Variants in NRP2 observed in about 807,000 individuals in gnomAD.
NRP2 encodes neuropilin 2.
A neutral mutation model predicts 110.4 loss-of-function variants in NRP2; 52 were observed. That is an observed-to-expected ratio of 0.47 (90% CI 0.38 to 0.59). The LOEUF (loss-of-function observed/expected upper bound fraction) is 0.59, where lower values mean the gene tolerates loss of function less well. Ranked by LOEUF, NRP2 falls within the 20% of genes least tolerant of loss-of-function variation. The pLI is 0.00. For missense variants in NRP2, 1,049 were observed against 1,203.0 expected (o/e 0.87, Z 1.89); for synonymous variants, 508 against 468.9 (o/e 1.08, Z -1.08).
intron 6 of NRP2, among the ~76,000 whole-genome samples, chr2:205,727,086 C>T (rs1346685132): frequency 2.0e-5 from 3 of 152,194 alleles, no homozygotes; most frequent in Non-Finnish European, 2.9e-5. Context: ...GTTTCTCATA[C>T]GTGTAGACAG....
intron 3 of NRP2, among the ~76,000 whole-genome samples, chr2:205,721,794 G>A (rs985281812): frequency 1.1e-4 from 16 of 152,172 alleles, no homozygotes; most frequent in Admixed American, 1.3e-4. Context: ...TTGCCGGAGC[G>A]GCCTTTAACA....
Position 205,723,873 on chromosome 2 carries a change from G to T in NRP2, c.753G>T (p.Thr251=), listed in dbSNP as rs566976336. ...STGILSLTFH[T]DMAVAKDGFS... is the part of the protein sequence containing the mutation. The stretch of plus-strand genomic sequence containing the variant: ...GGATCCTCTCCCTGACCTTTCACAC[G>T]GACATGGCGGTGGCCAAGGATGGCT... The change falls in exon 5 of 17, where the codon ACG becomes ACT. Residue 251 remains threonine (T), a synonymous_variant. Coordinates refer to ENST00000357785, the MANE Select transcript of NRP2 (RefSeq NM_003872.3). 3.7e-6 allele frequency: 6 copies of T among 1,614,200 alleles called. No individual in the cohort carries two copies. The highest frequency in any genetic ancestry group is 5.1e-6 in the Non-Finnish European group (6 of 1,180,038).
intron 7 of NRP2, among the ~76,000 whole-genome samples, chr2:205,732,805 C>T (rs2057265967): frequency 1.3e-5 from 2 of 152,158 alleles, no homozygotes; most frequent in African/African-American, 2.4e-5. Flanking sequence ...GTCATCCATC[C>T]CAGCCTCACT....
At chr2:205,721,072 G>A (rs537679745) in intron 3 of NRP2, among the ~76,000 whole-genome samples, 1 of 152,316 alleles carries the variant, frequency 6.6e-6, no homozygotes, top group East Asian at 1.9e-4. Flanking sequence ...TCCTCCATCC[G>A]CATTTATTTG....
At chr2:205,762,692 G>A (rs960569049) in intron 12 of NRP2, among the ~76,000 whole-genome samples, 2 of 152,174 alleles carry the variant, frequency 1.3e-5, no homozygotes, top group Non-Finnish European at 1.5e-5. Flanking sequence ...AAGAGGTACT[G>A]AGATTTCCTC....
intron 12 of NRP2, among the ~76,000 whole-genome samples, chr2:205,754,759 G>A (rs2057705719): frequency 6.6e-6 from 1 of 151,838 alleles, no homozygotes; most frequent in Non-Finnish European, 1.5e-5. Flanking sequence ...GGGTATTCTA[G>A]TGTTAATGTG....
At chr2:205,731,067 C>T (rs2057229432) in intron 7 of NRP2, among the ~76,000 whole-genome samples, 1 of 152,218 alleles carries the variant, frequency 6.6e-6, no homozygotes, top group Non-Finnish European at 1.5e-5. Context: ...ACATGCACAG[C>T]ACATCCCAAA....
intron 12 of NRP2, among the ~76,000 whole-genome samples, chr2:205,758,146 G>A (rs1203846945): frequency 6.6e-6 from 1 of 152,204 alleles, no homozygotes; most frequent in East Asian, 1.9e-4. Context: ...TCCCTTAACT[G>A]GTTGCTAATT....
chr2:205,739,090 G>A (rs1212728563), intron 7 of NRP2, among the ~76,000 whole-genome samples: 1 of 152,138 alleles, frequency 6.6e-6, no homozygotes, highest in Non-Finnish European at 1.5e-5. Context: ...ATTACTCAAA[G>A]CCATTCTAAG....
intron 1 of NRP2, among the ~76,000 whole-genome samples, chr2:205,695,335 T>C (rs2056401011): frequency 6.6e-6 from 1 of 152,234 alleles, no homozygotes; most frequent in African/African-American, 2.4e-5. Context: ...ACTTCTGCTG[T>C]AGATGAGAAA....
At chr2:205,694,708 A>G (rs2056386839) in intron 1 of NRP2, among the ~76,000 whole-genome samples, 1 of 152,220 alleles carries the variant, frequency 6.6e-6, no homozygotes, top group Admixed American at 6.5e-5. Flanking sequence ...AAAGTAATGG[A>G]TGGTATAGCT....
Position 205,733,285 on chromosome 2 carries a change from G to A in NRP2, c.1146+5239G>A, listed in dbSNP as rs1048183044. Among the ~76,000 whole-genome samples the A allele has an allele frequency of 6.6e-5, 10 of 152,246 alleles. No homozygotes were observed. In the East Asian group the frequency reaches 1.2e-3, roughly 18 times the overall value. ...CTGAACTGTCTCCAGTAGCTGAGGC[G>A]CGCCTCCCTGGCGCTGATAGCCTTG... On this transcript the variant is annotated intron_variant, in intron 7 of 16. Coordinates refer to ENST00000357785, the MANE Select transcript of NRP2 (RefSeq NM_003872.3).
chr2:205,732,657 T>C (rs1414146396), intron 7 of NRP2, among the ~76,000 whole-genome samples: 3 of 152,176 alleles, frequency 2.0e-5, no homozygotes, highest in Non-Finnish European at 4.4e-5. Flanking sequence ...AAGCAAGTTA[T>C]CAATTTAAAA....
At chr2:205,728,121 A>T in intron 7 of NRP2, 75 bp downstream of exon 7, 1 of 1,554,936 alleles carries the variant, frequency 6.4e-7, no homozygotes, top group South Asian at 1.1e-5. Context: ...CTTTAAGCCG[A>T]CCTCCTACAG....
At chr2:205,706,110 A>T (rs2056669923) in intron 2 of NRP2, among the ~76,000 whole-genome samples, 1 of 151,814 alleles carries the variant, frequency 6.6e-6, no homozygotes. Context: ...ATTCCCTGCC[A>T]TCCTCACCAC....
Position 205,725,344 on chromosome 2 carries a change from G to A in NRP2, c.821-569G>A, listed in dbSNP as rs559778436. ...CAGGGCCAGAGTAAGTGACTTCTGG[G>A]TCTATTTGTCCAGACAGGTGGTGCG... On this transcript the variant is annotated intron_variant, in intron 5 of 16. Coordinates refer to ENST00000357785, the MANE Select transcript of NRP2 (RefSeq NM_003872.3). This position sits in a 1 kb window ranked among gnomAD's most constrained non-coding sequence, Gnocchi z 4.1. Among the ~76,000 whole-genome samples, 3 of 152,340 alleles carry A rather than the reference G, an allele frequency of 2.0e-5. No homozygotes were observed. Among genetic ancestry groups the A allele is most frequent in the Admixed American group, 2.0e-4 (3 of 15,306 alleles).
chr2:205,698,207 G>GA (rs201417718), intron 2 of NRP2, among the ~76,000 whole-genome samples: 11,117 of 126,728 alleles, frequency 0.088, 420 homozygotes, highest in Middle Eastern at 0.11. Context: ...TTTTCTTATA[G>GA]AAAAAAAAAA....
At chr2:205,705,854 C>T (rs1461273863) in intron 2 of NRP2, among the ~76,000 whole-genome samples, 1 of 152,064 alleles carries the variant, frequency 6.6e-6, no homozygotes, top group Non-Finnish European at 1.5e-5. Flanking sequence ...TTTGGGGCCT[C>T]TCTGATTTCT....
intron 15 of NRP2, among the ~76,000 whole-genome samples, chr2:205,770,824 G>A (rs1431432518): frequency 6.6e-6 from 1 of 152,166 alleles, no homozygotes; most frequent in Non-Finnish European, 1.5e-5. Flanking sequence ...GAGCAAGAAA[G>A]CATGGAGATC....
Sources: gnomAD v4.1 joint callset for allele counts (sites outside exome capture counted in the v4.1 genomes callset) on GRCh38, gnomAD v4.1.1 for gene constraint, Gnocchi (gnomAD v3.1) non-coding constraint, MANE v1.5 for transcripts, NCBI Gene and HGNC (gene_info 2026-07-23, HGNC 2026-07-21) for gene names.